Variants in TBC1D5 observed in about 807,000 individuals in gnomAD.
The protein encoded by TBC1D5 is TBC1 domain family member 5.
Under a neutral mutation model 100.3 loss-of-function variants are expected in TBC1D5, and 75 were observed. The observed-to-expected ratio is 0.75, with a 90% CI of 0.62 to 0.91. The LOEUF is 0.91. TBC1D5 is among the 40% of genes least tolerant of loss of function. The pLI, the probability that TBC1D5 is intolerant of heterozygous loss-of-function variation, is 0.00. For synonymous variants in TBC1D5, 323 were observed against 325.6 expected (o/e 0.99, Z 0.09); for missense variants, 910 against 942.4 (o/e 0.97, Z 0.45).
intron 1 of TBC1D5, among the ~76,000 whole-genome samples, chr3:17,705,071 C>T (rs1400299738): frequency 1.5e-5 from 2 of 137,378 alleles, no homozygotes; most frequent in Non-Finnish European, 3.2e-5. Context: ...CACCTCCCTC[C>T]CGGACGGCAC....
chr3:17,348,535 A>T (rs1559690482), intron 13 of TBC1D5, among the ~76,000 whole-genome samples: 2 of 152,146 alleles, frequency 1.3e-5, no homozygotes. Flanking sequence ...TATAATTATC[A>T]CTGGCTTTAA....
At chr3:17,634,971 A>C (rs1577140064) in intron 1 of TBC1D5, among the ~76,000 whole-genome samples, 1 of 151,502 alleles carries the variant, frequency 6.6e-6, no homozygotes, top group East Asian at 2.0e-4. Context: ...ATACTTGTAG[A>C]TTATATGCTT....
At chr3:17,617,799 A>C (rs1170803147) in intron 2 of TBC1D5, among the ~76,000 whole-genome samples, 1 of 152,154 alleles carries the variant, frequency 6.6e-6, no homozygotes, top group Non-Finnish European at 1.5e-5. Context: ...CCATTCGTCT[A>C]ACCTTTTTTC....
chr3:17,521,657 T>TG (rs951213395), intron 2 of TBC1D5, among the ~76,000 whole-genome samples: 86 of 151,638 alleles, frequency 5.7e-4, no homozygotes, highest in Middle Eastern at 3.4e-3. Flanking sequence ...GTGCATAATT[T>TG]GGGGGGGGAA....
intron 1 of TBC1D5, among the ~76,000 whole-genome samples, chr3:17,645,418 A>G (rs1301206525): frequency 1.3e-5 from 2 of 152,134 alleles, no homozygotes; most frequent in African/African-American, 2.4e-5. Context: ...AGATGCCCAG[A>G]GGCTGACTCG....
At chr3:17,684,442 C>G (rs914384326) in intron 1 of TBC1D5, among the ~76,000 whole-genome samples, 5 of 152,064 alleles carry the variant, frequency 3.3e-5, no homozygotes, top group African/African-American at 1.2e-4. Context: ...TGCAGTTTCT[C>G]TCTGAAGTGT....
chr3:17,388,210 C>T (rs1272307897), intron 8 of TBC1D5, among the ~76,000 whole-genome samples: 3 of 151,856 alleles, frequency 2.0e-5, no homozygotes, highest in East Asian at 1.9e-4. Flanking sequence ...GTGAAGAAAC[C>T]ATATTTAAAC....
intron 2 of TBC1D5, among the ~76,000 whole-genome samples, chr3:17,606,653 C>T (rs2061352635): frequency 1.3e-5 from 2 of 152,082 alleles, no homozygotes; most frequent in African/African-American, 4.8e-5. Flanking sequence ...AGAGAATATC[C>T]TTCAGGAGAG....
intron 3 of TBC1D5, among the ~76,000 whole-genome samples, chr3:17,456,546 A>T (rs772633020): frequency 4.6e-5 from 7 of 152,226 alleles, no homozygotes; most frequent in Admixed American, 6.5e-5. Context: ...GGCATATGAA[A>T]AGGTGTTCAA....
chr3:17,641,334 C>T lies in TBC1D5; in HGVS notation c.-100-17421G>A, dbSNP rs75704191. Among the ~76,000 whole-genome samples, 184 of 152,130 alleles carry T rather than the reference C, an allele frequency of 1.2e-3. 1 individual carries two copies. The highest frequency in any genetic ancestry group is 4.2e-3 in the African/African-American group (176 of 41,508). On this transcript the variant is annotated intron_variant, in intron 1 of 21. Coordinates refer to ENST00000253692, the Ensembl canonical transcript of TBC1D5. ...ATCAATAGATGGTGGCTATTGGTTT[C>T]ATGGAGGGAGTGTGCATAGTGGTTA... is the stretch of plus-strand genomic sequence containing the variant.
intron 1 of TBC1D5, among the ~76,000 whole-genome samples, chr3:17,636,572 A>C (rs1373673295): frequency 6.6e-6 from 1 of 152,124 alleles, no homozygotes; most frequent in Non-Finnish European, 1.5e-5. Context: ...CAGGCGGATC[A>C]CAAGATCAGG....
At chr3:17,302,114 C>T (rs1326351701) in intron 14 of TBC1D5, among the ~76,000 whole-genome samples, 1 of 152,158 alleles carries the variant, frequency 6.6e-6, no homozygotes, top group African/African-American at 2.4e-5. Context: ...GAGAATCCTC[C>T]TTGCCTCTCC....
intron 4 of TBC1D5, among the ~76,000 whole-genome samples, chr3:17,419,196 T>G (rs2094151750): frequency 6.6e-6 from 1 of 152,248 alleles, no homozygotes. Flanking sequence ...AACTGCAGTT[T>G]GCTACATAAG....
At chr3:17,406,435 G>T (rs753912019) in exon 5 of TBC1D5, 7 of 1,608,164 alleles carry the variant, frequency 4.4e-6, no homozygotes, top group Non-Finnish European at 5.9e-6. Context: ...CAAATGCTGC[G>T]GAACCTGCTG....
At chr3:17,315,732 A>G (rs2084615426) in intron 13 of TBC1D5, among the ~76,000 whole-genome samples, 1 of 152,190 alleles carries the variant, frequency 6.6e-6, no homozygotes, top group Non-Finnish European at 1.5e-5. Flanking sequence ...CCAAATGAGA[A>G]TAAGCAAAGG....
intron 13 of TBC1D5, among the ~76,000 whole-genome samples, chr3:17,331,032 C>T (rs761783079): frequency 6.6e-6 from 1 of 152,102 alleles, no homozygotes; most frequent in Non-Finnish European, 1.5e-5. Context: ...GACTGCATTG[C>T]CCTTCTGTCT....
chr3:17,270,123 G>C (rs116518148), intron 15 of TBC1D5, among the ~76,000 whole-genome samples: 520 of 152,234 alleles, frequency 3.4e-3, no homozygotes, highest in Non-Finnish European at 5.5e-3. Context: ...CAATGTGTAA[G>C]AGTTCCCTTT....
chr3:17,413,384 G>A (rs2093986671), intron 4 of TBC1D5, among the ~76,000 whole-genome samples: 1 of 152,138 alleles, frequency 6.6e-6, no homozygotes, highest in Non-Finnish European at 1.5e-5. Context: ...TTCTGCAGCA[G>A]GAATTGATAC....
intron 2 of TBC1D5, among the ~76,000 whole-genome samples, chr3:17,618,911 C>A (rs1434934588): frequency 1.3e-5 from 2 of 152,216 alleles, no homozygotes; most frequent in African/African-American, 4.8e-5. Context: ...GCTGCACCCA[C>A]TGTCCAACCA....
Sources: allele counts gnomAD v4.1 joint callset (sites outside exome capture counted in the v4.1 genomes callset), GRCh38; gene constraint gnomAD v4.1.1; transcripts MANE v1.5; gene names NCBI Gene and HGNC (gene_info 2026-07-23, HGNC 2026-07-21).